Variants in NETO1 observed in about 807,000 individuals in gnomAD.
The protein encoded by NETO1 is neuropilin and tolloid-like protein 1.
In NETO1, 26 loss-of-function variants were observed where a neutral mutation model predicts 61.3. The observed-to-expected ratio is 0.42, with a 90% confidence interval of 0.31 to 0.59. The LOEUF (loss-of-function observed/expected upper bound fraction) is 0.59, where lower values mean the gene tolerates loss of function less well. Ranked by LOEUF, NETO1 falls within the 20% of genes least tolerant of loss-of-function variation. NETO1 has a pLI of 0.12. For synonymous variants in NETO1, 225 were observed against 225.8 expected (o/e 1.00, Z 0.03); for missense variants, 531 against 662.8 (o/e 0.80, Z 2.18).
intron 9 of NETO1, 41 bp from the exon 10 acceptor site, chr18:72,749,129 G>T (rs1439398699): frequency 1.7e-6 from 2 of 1,158,502 alleles, no homozygotes; most frequent in Non-Finnish European, 2.5e-6. Flanking sequence ...AGTACTATTT[G>T]CACAAAAAAA....
chr18:72,846,957 T>C (rs2074109330), intron 4 of NETO1, among the ~76,000 whole-genome samples: 1 of 152,278 alleles, frequency 6.6e-6, no homozygotes, highest in Non-Finnish European at 1.5e-5. Context: ...TACGCATTCC[T>C]TTCAGACTGC....
At chr18:72,793,188 C>T (rs193106085) in intron 6 of NETO1, among the ~76,000 whole-genome samples, 19 of 152,242 alleles carry the variant, frequency 1.2e-4, no homozygotes, top group Admixed American at 3.3e-4. Flanking sequence ...AATGAAATAG[C>T]ACACAGTTTC....
At chr18:72,857,708 G>C (rs2074448204) in intron 4 of NETO1, among the ~76,000 whole-genome samples, 1 of 152,118 alleles carries the variant, frequency 6.6e-6, no homozygotes, top group Admixed American at 6.5e-5. Flanking sequence ...TAGTTCGACT[G>C]TAGCACATGA....
intron 7 of NETO1, among the ~76,000 whole-genome samples, chr18:72,772,488 T>C (rs2071384043): frequency 6.6e-6 from 1 of 151,920 alleles, no homozygotes; most frequent in South Asian, 2.1e-4. Flanking sequence ...TTCATGAAAC[T>C]AGAGACAAGC....
chr18:72,814,285 T>C (rs2072958822), intron 4 of NETO1, among the ~76,000 whole-genome samples: 2 of 152,068 alleles, frequency 1.3e-5, no homozygotes, highest in Non-Finnish European at 2.9e-5. Context: ...TAAGATAACA[T>C]CTTAAGATTC....
chr18:72,841,733 CAACAAAAAAAA>C (rs199926390), intron 4 of NETO1, among the ~76,000 whole-genome samples: 3,081 of 71,160 alleles, frequency 0.043, 190 homozygotes, highest in East Asian at 0.18. Flanking sequence ...GACTCTACCT[CAACAAAAAAAA>C]AAAAAAAAAA....
intron 3 of NETO1, among the ~76,000 whole-genome samples, chr18:72,859,787 T>C (rs2074513818): frequency 6.6e-6 from 1 of 152,168 alleles, no homozygotes; most frequent in African/African-American, 2.4e-5. Context: ...AATATCTACA[T>C]ACCCAACATT....
At chr18:72,827,898 A>G (rs772174673) in intron 4 of NETO1, among the ~76,000 whole-genome samples, 2 of 152,212 alleles carry the variant, frequency 1.3e-5, no homozygotes, top group Non-Finnish European at 1.5e-5. Context: ...TCTTTTCTGC[A>G]TCAAAACTTG....
At chr18:72,756,774 A>G (rs1386487238) in intron 7 of NETO1, among the ~76,000 whole-genome samples, 1 of 152,090 alleles carries the variant, frequency 6.6e-6, no homozygotes, top group Non-Finnish European at 1.5e-5. Context: ...TTTGATGTAC[A>G]ATGATCATTA....
chr18:72,865,661 A>G (rs868079631), intron 1 of NETO1: 1 of 1,573,040 alleles, frequency 6.4e-7, no homozygotes, highest in African/African-American at 1.3e-5. Flanking sequence ...CAATGAGAAC[A>G]GCTCCATGAC....
In NETO1 at chr18:72,750,459, T is replaced by C. The variant is rs746933233; in HGVS notation, c.1144A>G (p.Thr382Ala). ...GGTTCAAATACCTCCTGGAAAACTG[T>C]CTGGTCAAAGTCTGATTTCCTTTGG... ...YVQRKSDFDQ[T>A]VFQEVFEPPH... Residue 382 changes from threonine (T) to alanine (A), a missense_variant, in exon 9 of 11, where the codon ACA becomes GCA. Transcript: ENST00000327305. The C allele has an allele frequency of 5.6e-6, 9 of 1,614,130 alleles. No individual in the cohort carries two copies. The Admixed American group carries it at 1.3e-4, about 24-fold the overall frequency.
In NETO1 at chr18:72,864,832, G is replaced by A. The variant is rs1374752945; in HGVS notation, c.196C>T (p.Arg66Trp). Residue 66 changes from arginine to tryptophan, a missense_variant, in exon 3 of 11, where the codon CGG becomes TGG. Transcript: ENST00000327305. ...PNYPSKYPPD[R>W]ECIYIIEAAP... Reference sequence around the variant, plus strand: ...CCTTCTATGATGTAGATGCATTCCCGGTCAGGGGGATACTTGCTGGGATAG... The same window carrying A: ...CCTTCTATGATGTAGATGCATTCCCAGTCAGGGGGATACTTGCTGGGATAG... The A allele has an allele frequency of 1.1e-5, 17 of 1,613,344 alleles. No individual in the cohort carries two copies. The highest frequency in any genetic ancestry group is 3.3e-5 in the Admixed American group (2 of 59,830).
chr18:72,840,106 TAA>T (rs1419067538), intron 4 of NETO1, among the ~76,000 whole-genome samples: 2 of 152,340 alleles, frequency 1.3e-5, no homozygotes, highest in African/African-American at 4.8e-5. Flanking sequence ...AATCCTCATT[TAA>T]AATGCAGACT....
At chr18:72,767,905 T>G (rs886737848) in intron 7 of NETO1, among the ~76,000 whole-genome samples, 2 of 152,234 alleles carry the variant, frequency 1.3e-5, no homozygotes, top group African/African-American at 4.8e-5. Flanking sequence ...CACTAACGGA[T>G]ACAATACTAG....
At chr18:72,808,655 A>C (rs1019503156) in intron 4 of NETO1, among the ~76,000 whole-genome samples, 2 of 152,250 alleles carry the variant, frequency 1.3e-5, no homozygotes, top group Admixed American at 1.3e-4. Flanking sequence ...CAGCCACATA[A>C]ATAAGATAAG....
intron 10 of NETO1, 95 bp downstream of exon 10, chr18:72,748,919 A>G: frequency 2.5e-6 from 2 of 792,682 alleles, no homozygotes; most frequent in Non-Finnish European, 4.5e-6. Context: ...TCAAGAAATA[A>G]TGGATAAATA....
chr18:72,772,568 G>A (rs575189567), intron 7 of NETO1, among the ~76,000 whole-genome samples: 38 of 151,680 alleles, frequency 2.5e-4, no homozygotes, highest in Non-Finnish European at 5.2e-4. Context: ...AAGGAAGAAT[G>A]GAGAATAAAC....
At chr18:72,860,702 C>A (rs2074544098) in intron 3 of NETO1, among the ~76,000 whole-genome samples, 2 of 150,982 alleles carry the variant, frequency 1.3e-5, no homozygotes, top group South Asian at 2.1e-4. Flanking sequence ...ACAATAATGA[C>A]AGATTTGAGG....
intron 7 of NETO1, among the ~76,000 whole-genome samples, chr18:72,775,427 A>G (rs2071513724): frequency 6.6e-6 from 1 of 152,190 alleles, no homozygotes; most frequent in African/African-American, 2.4e-5. Context: ...ATGGCTAAAA[A>G]TGCATTCATA....
Sources: gnomAD v4.1 joint callset for allele counts (sites outside exome capture counted in the v4.1 genomes callset) on GRCh38, gnomAD v4.1.1 for gene constraint, MANE v1.5 for transcripts, NCBI Gene and HGNC (gene_info 2026-07-23, HGNC 2026-07-21) for gene names.